CHFR: variants seen among roughly 807,000 people sequenced by gnomAD.
CHFR encodes the protein checkpoint with forkhead and ring finger domains.
CHFR carries 57 observed loss-of-function variants against 87.6 expected under a neutral mutation model. The ratio of observed to expected loss-of-function variants is 0.65; its 90% CI spans 0.53 to 0.81. CHFR has a LOEUF of 0.81. Ranked by LOEUF, CHFR falls within the 30% of genes least tolerant of loss-of-function variation. CHFR has a pLI of 0.00. For synonymous variants in CHFR, 381 were observed against 359.2 expected (o/e 1.06, Z -0.69); for missense variants, 797 against 865.8 (o/e 0.92, Z 1.00).
chr12:132,856,580 T>C lies in CHFR; in HGVS notation c.1117A>G (p.Ile373Val). Residue 373 changes from isoleucine (I) to valine (V), a missense_variant, in exon 10 of 18, where the codon ATC becomes GTC. Coordinates refer to ENST00000450056, the MANE Select transcript of CHFR (RefSeq NM_001161346.2). ...DVQSMDARNK[I>V]TQDMLQPKVR... ...TTGGGCTGCAGCATGTCTTGAGTGATTTTATTTCTGGCATCCATACTTTGC... is the reference window on the plus strand; with the variant it reads ...TTGGGCTGCAGCATGTCTTGAGTGACTTTATTTCTGGCATCCATACTTTGC... 2 of 1,614,202 alleles carry C rather than the reference T, an allele frequency of 1.2e-6. No individual in the cohort carries two copies. The highest frequency in any genetic ancestry group is 1.7e-6 in the Non-Finnish European group (2 of 1,180,000).
At chr12:132,847,585 T>C (rs1950856708) in intron 14 of CHFR, 2 of 1,065,624 alleles carry the variant, frequency 1.9e-6, no homozygotes, top group Non-Finnish European at 1.1e-6. Context: ...CAGGTGTGTC[T>C]GTGGCAAGCC....
At chr12:132,849,756 A>AT (rs1328350734) in intron 12 of CHFR, 2 of 146,006 alleles carry the variant, frequency 1.4e-5, no homozygotes, top group Admixed American at 1.4e-4. Flanking sequence ...CAACTGGCCA[A>AT]TTTTTTCATT....
intron 6 of CHFR, chr12:132,866,471 A>G (rs1282810600): frequency 6.6e-6 from 1 of 152,154 alleles, no homozygotes; most frequent in Non-Finnish European, 1.5e-5. Flanking sequence ...GTTACAACAC[A>G]CCAGAATGTT....
rs1007221366 is a variant in CHFR, at chr12:132,840,604, C to T, written c.*950G>A. 6 of 152,686 alleles carry T rather than the reference C, an allele frequency of 3.9e-5. No homozygotes were observed. Among genetic ancestry groups the T allele is most frequent in the African/African-American group, 7.2e-5 (3 of 41,466 alleles). 9.5% of individuals were successfully genotyped at this position (152,686 alleles called of 1,614,324 possible). On this transcript the variant is annotated 3_prime_UTR_variant, in exon 18 of 18. Coordinates refer to ENST00000450056, the MANE Select transcript of CHFR (RefSeq NM_001161346.2). ...GATGACATGGCAAAGCTAGCACAGG[C>T]GGAAGCCAAGGTGCCCCTCAGGCTC...
Position 132,836,386 on chromosome 12 carries a change from G to C in CHFR, c.*5168C>G, listed in dbSNP as rs1413381071. 9.6e-6 allele frequency: 3 copies of C among 311,144 alleles called. No individual in the cohort carries two copies. Among genetic ancestry groups the C allele is most frequent in the Non-Finnish European group, 1.7e-5 (3 of 174,670 alleles). The allele number at this position is 311,144 out of a possible 1,614,324, so 19.3% of individuals were successfully genotyped here. On this transcript the variant is annotated 3_prime_UTR_variant, in exon 18 of 18. Coordinates refer to ENST00000450056, the MANE Select transcript of CHFR (RefSeq NM_001161346.2). ...CAGCACGGCGCACGGCCCTCACAGT[G>C]ACAGGCTCCCAGCACGGCGCTCGGC...
intron 6 of CHFR, chr12:132,862,483 G>A (rs959715931): frequency 4.6e-5 from 20 of 432,344 alleles, no homozygotes; most frequent in African/African-American, 3.1e-4. Context: ...ACGAGCATAT[G>A]GTCCCAGCTA....
chr12:132,884,857 C>T (rs908053370), intron 2 of CHFR, among the ~76,000 whole-genome samples: 1 of 152,134 alleles, frequency 6.6e-6, no homozygotes, highest in African/African-American at 2.4e-5. Flanking sequence ...GAGGCCGAGG[C>T]AGACAGATTG....
intron 13 of CHFR, 194 bp from the exon 14 acceptor site, chr12:132,848,349 C>A: frequency 9.3e-7 from 1 of 1,076,434 alleles, no homozygotes; most frequent in Admixed American, 2.0e-5. Context: ...TTAAAAAGAT[C>A]AGCTCTCCGA....
intron 6 of CHFR, chr12:132,862,042 G>C: frequency 4.9e-6 from 1 of 205,096 alleles, no homozygotes; most frequent in Non-Finnish European, 1.0e-5. Flanking sequence ...GGAGGCCGAA[G>C]CAAGTGGATC....
Position 132,877,574 on chromosome 12 carries a change from C to T in CHFR, c.214G>A (p.Val72Met). 6.2e-7 allele frequency: 1 copy of T among 1,611,972 alleles called. No homozygotes were observed. Among genetic ancestry groups the T allele is most frequent in the Non-Finnish European group, 8.5e-7 (1 of 1,178,466 alleles). Residue 72 changes from valine (V) to methionine (M), a missense_variant, in exon 3 of 18, where the codon GTG becomes ATG. This residue lies in a region of CHFR where 597 missense variants were observed against 601.2 expected (regional missense o/e 0.99). Coordinates refer to ENST00000450056, the MANE Select transcript of CHFR (RefSeq NM_001161346.2). ...RIVVDEKSGQ[V>M]TLEDTSTSGT... ...ACTCACCTGGTATCTTCCAGTGTCACCTGACCTGATTTTTCATCCACTACA... is the reference window on the plus strand; with the variant it reads ...ACTCACCTGGTATCTTCCAGTGTCATCTGACCTGATTTTTCATCCACTACA...
At chr12:132,863,844 T>C (rs1160715183) in intron 6 of CHFR, among the ~76,000 whole-genome samples, 73 of 152,096 alleles carry the variant, frequency 4.8e-4, no homozygotes, top group Admixed American at 4.8e-3. Flanking sequence ...CTGCAACCTC[T>C]GCCTCCTGGG....
intron 6 of CHFR, among the ~76,000 whole-genome samples, chr12:132,864,792 G>T (rs4303268): frequency 0.069 from 10,439 of 152,160 alleles, 532 homozygotes; most frequent in Non-Finnish European, 0.1. Context: ...CCGGCCAGAA[G>T]AATTTTTTTT....
At chr12:132,846,718 TAA>T (rs1191938833) in intron 15 of CHFR, among the ~76,000 whole-genome samples, 2 of 152,074 alleles carry the variant, frequency 1.3e-5, no homozygotes, top group Admixed American at 6.5e-5. Flanking sequence ...CCATCTTTAC[TAA>T]AAATACAAAA....
At chr12:132,881,634 G>A (rs1311420383) in intron 2 of CHFR, among the ~76,000 whole-genome samples, 7 of 152,180 alleles carry the variant, frequency 4.6e-5, no homozygotes, top group East Asian at 3.9e-4. Flanking sequence ...TTGGGAGGCC[G>A]AGGCGGGCGG....
chr12:132,869,883 A>T, intron 5 of CHFR, 85 bp from the exon 6 acceptor site: 1 of 1,455,586 alleles, frequency 6.9e-7, no homozygotes, highest in Non-Finnish European at 9.4e-7. Context: ...GCTCAAGCAG[A>T]CACTCTAGGG....
Position 132,869,649 on chromosome 12 carries a change from G to A in CHFR, c.553C>T (p.Pro185Ser), listed in dbSNP as rs1385634222. Reference sequence around the variant, plus strand: ...CTGGAGGAACGCTCTCGCCCTGCAGGAGAAGGCTCCGTGGAAGAGGCCGAG... The same window carrying A: ...CTGGAGGAACGCTCTCGCCCTGCAGAAGAAGGCTCCGTGGAAGAGGCCGAG... ...TASASSTEPS[P>S]AGRERSSSCG... Residue 185 changes from proline (P) to serine (S), a missense_variant, in exon 6 of 18, where the codon CCT (proline) becomes TCT (serine). Transcript: ENST00000450056. 7 of 1,551,646 alleles carry A rather than the reference G, an allele frequency of 4.5e-6. No individual in the cohort carries two copies. Among genetic ancestry groups the A allele is most frequent in the South Asian group, 1.2e-5 (1 of 84,060 alleles).
At chr12:132,872,175 C>T (rs1951504928) in intron 4 of CHFR, 110 bp downstream of exon 4, 2 of 710,250 alleles carry the variant, frequency 2.8e-6, no homozygotes, top group East Asian at 2.5e-5. Flanking sequence ...GGGGTGTAGC[C>T]AGGAGGAACG....
Position 132,836,966 on chromosome 12 carries a change from T to C in CHFR, c.*4588A>G, listed in dbSNP as rs1950652347. On this transcript the variant is annotated 3_prime_UTR_variant, in exon 18 of 18. Coordinates refer to ENST00000450056, the MANE Select transcript of CHFR (RefSeq NM_001161346.2). ...ACAAACGGTAAACAGATGTTTCCTT[T>C]CCGATAGTGACAGGTGCTGGGGGGA... is the stretch of plus-strand genomic sequence containing the variant. 2.8e-6 allele frequency: 1 copy of C among 362,348 alleles called. No homozygotes were observed. Among genetic ancestry groups the C allele is most frequent in the Admixed American group, 3.6e-5 (1 of 27,440 alleles). The allele number at this position is 362,348 out of a possible 1,614,324, so 22.4% of individuals were successfully genotyped here. A position where few individuals can be genotyped will look rare whatever the true frequency, so the allele number is the denominator to read the frequency against.
At chr12:132,862,000 C>T (rs545149319) in intron 6 of CHFR, 6 of 212,146 alleles carry the variant, frequency 2.8e-5, no homozygotes, top group South Asian at 1.5e-4. Context: ...GGGCCGGGTG[C>T]GGTGGCTCAC....
Sources: gnomAD v4.1 joint callset for allele counts (sites outside exome capture counted in the v4.1 genomes callset) on GRCh38, gnomAD v4.1.1 for gene constraint, gnomAD v4.1.1 regional missense constraint, MANE v1.5 for transcripts, NCBI Gene and HGNC (gene_info 2026-07-23, HGNC 2026-07-21) for gene names.